Variants in TBC1D19 observed in about 807,000 individuals in gnomAD.
The protein encoded by TBC1D19 is TBC1 domain family member 19.
A neutral mutation model predicts 89.0 loss-of-function variants in TBC1D19; 60 were observed. The observed-to-expected ratio is 0.67, with a 90% CI of 0.55 to 0.84. The LOEUF (loss-of-function observed/expected upper bound fraction) is 0.84. Ranked by LOEUF, TBC1D19 falls within the 40% of genes least tolerant of loss-of-function variation. The probability of loss-of-function intolerance (pLI) is 0.00; values close to 1 mark genes in which losing one functional copy is unlikely to be tolerated. For missense variants in TBC1D19, 500 were observed against 610.8 expected (o/e 0.82, Z 1.91); for synonymous variants, 189 against 199.7 (o/e 0.95, Z 0.45).
At chr4:26,628,384 C>A (rs1316495049) in intron 4 of TBC1D19, among the ~76,000 whole-genome samples, 7 of 152,002 alleles carry the variant, frequency 4.6e-5, no homozygotes, top group African/African-American at 1.7e-4. Context: ...TTTTTTGTTT[C>A]CATGTGAACT....
At chr4:26,636,806 G>A (rs889600291) in intron 4 of TBC1D19, among the ~76,000 whole-genome samples, 4 of 151,924 alleles carry the variant, frequency 2.6e-5, no homozygotes, top group African/African-American at 9.7e-5. Flanking sequence ...AATAATTTCT[G>A]TACATTTTTA....
At chr4:26,801,750 G>C in the TBC1D19 span, among the ~76,000 whole-genome samples, 71 of 152,178 alleles carry the variant, frequency 4.7e-4, no homozygotes, top group African/African-American at 1.7e-3. Flanking sequence ...ACAGAAAAGT[G>C]GTACTTTTCT....
At chr4:26,614,346 G>A (rs1245107038) in intron 2 of TBC1D19, 62 bp from the exon 3 acceptor site, 1 of 1,172,250 alleles carries the variant, frequency 8.5e-7, no homozygotes, top group Non-Finnish European at 1.2e-6. Context: ...AAATTTAATT[G>A]TAATGTATGT....
At chr4:26,685,178 A>G (rs1461438681) in intron 12 of TBC1D19, among the ~76,000 whole-genome samples, 1 of 152,210 alleles carries the variant, frequency 6.6e-6, no homozygotes, top group Non-Finnish European at 1.5e-5. Flanking sequence ...ATGCAAGTGG[A>G]AGTGGTGCTC....
chr4:26,817,968 T>TA, the TBC1D19 span, among the ~76,000 whole-genome samples: 1,739 of 119,138 alleles, frequency 0.015, 17 homozygotes, highest in East Asian at 0.03. Context: ...AAACTCCATT[T>TA]AAAAAAAAAA....
At chr4:26,628,609 C>A (rs921098588) in intron 4 of TBC1D19, among the ~76,000 whole-genome samples, 1 of 151,950 alleles carries the variant, frequency 6.6e-6, no homozygotes, top group Admixed American at 6.6e-5. Flanking sequence ...TCTAGAAAAC[C>A]CCACTGTCTC....
intron 6 of TBC1D19, among the ~76,000 whole-genome samples, chr4:26,639,703 A>G (rs1214031173): frequency 6.6e-6 from 1 of 152,210 alleles, no homozygotes; most frequent in East Asian, 1.9e-4. Context: ...TGCTAAAAAT[A>G]CATGTAGGGG....
At chr4:26,580,195 C>T (rs1739039555), upstream of TBC1D19, among the ~76,000 whole-genome samples, 1 of 152,186 alleles carries the variant, frequency 6.6e-6, no homozygotes, top group African/African-American at 2.4e-5. Context: ...AGAGCATAGT[C>T]TGATACTCAG....
At chr4:26,850,540 C>CAAAAAAAAAAAAAAAAAAAAAAA in the TBC1D19 span, among the ~76,000 whole-genome samples, 60 of 90,400 alleles carry the variant, frequency 6.6e-4, no homozygotes, top group African/African-American at 1.0e-3. Context: ...GACCCTGTCT[C>CAAAAAAAAAAAAAAAAAAAAAAA]AAAAAAAAAA....
chr4:26,613,020 C>T, intron 1 of TBC1D19, 149 bp from the exon 2 acceptor site: 1 of 575,146 alleles, frequency 1.7e-6, no homozygotes, highest in Non-Finnish European at 3.0e-6. Context: ...GTTCTAAGCT[C>T]TATCTTCAAA....
At chr4:26,694,158 G>C (rs1316979749) in intron 13 of TBC1D19, among the ~76,000 whole-genome samples, 5 of 152,130 alleles carry the variant, frequency 3.3e-5, no homozygotes, top group African/African-American at 1.2e-4. Context: ...CCAAGAGAAG[G>C]GGTGACAGAC....
intron 18 of TBC1D19, among the ~76,000 whole-genome samples, chr4:26,743,444 T>C (rs1718480040): frequency 6.6e-6 from 1 of 152,070 alleles, no homozygotes; most frequent in Admixed American, 6.5e-5. Flanking sequence ...CTGGTGAAGT[T>C]TTTTAATTTA....
At chr4:26,669,798 T>C (rs1712129880) in intron 9 of TBC1D19, among the ~76,000 whole-genome samples, 1 of 151,796 alleles carries the variant, frequency 6.6e-6, no homozygotes, top group South Asian at 2.1e-4. Flanking sequence ...AAAACATTTC[T>C]TGGCATATTA....
At chr4:26,812,053 C>T in the TBC1D19 span, among the ~76,000 whole-genome samples, 16 of 152,152 alleles carry the variant, frequency 1.1e-4, no homozygotes, top group African/African-American at 3.6e-4. This position sits in a 1 kb window ranked among gnomAD's most constrained non-coding sequence, Gnocchi z 4.2. Context: ...GTTCAAATGC[C>T]TCTAATGCTT....
chr4:26,758,458 C>T (rs571336484), downstream of TBC1D19, among the ~76,000 whole-genome samples: 2 of 152,190 alleles, frequency 1.3e-5, no homozygotes, highest in Admixed American at 6.5e-5. Flanking sequence ...GTGAGGCTGA[C>T]TTGCATCCCC....
intron 1 of TBC1D19, among the ~76,000 whole-genome samples, chr4:26,596,381 A>T (rs1244377234): frequency 1.3e-5 from 2 of 151,820 alleles, no homozygotes; most frequent in African/African-American, 4.8e-5. Flanking sequence ...TATTGGCCTA[A>T]AGTTGTTTAT....
At chr4:26,653,601 T>C (rs1172763480) in intron 7 of TBC1D19, among the ~76,000 whole-genome samples, 1 of 152,228 alleles carries the variant, frequency 6.6e-6, no homozygotes, top group African/African-American at 2.4e-5. Context: ...CTTGTCTTGT[T>C]GAATTGATCC....
At chr4:26,590,908 C>T (rs944935000) in intron 1 of TBC1D19, among the ~76,000 whole-genome samples, 1 of 145,096 alleles carries the variant, frequency 6.9e-6, no homozygotes, top group Non-Finnish European at 1.5e-5. Context: ...GACTCAGTCT[C>T]CTAAGTAGCT....
At chr4:26,634,796 G>T (rs996829365) in intron 4 of TBC1D19, among the ~76,000 whole-genome samples, 1 of 151,854 alleles carries the variant, frequency 6.6e-6, no homozygotes, top group Non-Finnish European at 1.5e-5. Context: ...ATATGTCTAG[G>T]CTATATGGTT....
Sources: allele counts gnomAD v4.1 joint callset (sites outside exome capture counted in the v4.1 genomes callset), GRCh38; gene constraint gnomAD v4.1.1; non-coding constraint Gnocchi (gnomAD v3.1); transcripts MANE v1.5; gene names NCBI Gene and HGNC (gene_info 2026-07-23, HGNC 2026-07-21).